The following PRKG1 variants were observed in gnomAD, a reference collection of about 807,000 sequenced individuals.
PRKG1 encodes cGMP-dependent protein kinase 1.
In PRKG1, 35 loss-of-function variants were observed where a neutral mutation model predicts 88.1. The observed-to-expected ratio is 0.40, with a 90% CI of 0.30 to 0.53. PRKG1 has a LOEUF of 0.53. Among genes scored for constraint, PRKG1 ranks in the 20% least tolerant of loss-of-function variants. The pLI is 0.59. For synonymous variants in PRKG1, 303 were observed against 292.5 expected (o/e 1.04, Z -0.37); for missense variants, 540 against 839.8 (o/e 0.64, Z 4.41).
chr10:52,029,093 A>G lies in PRKG1; in HGVS notation c.763-25391A>G, dbSNP rs76647762. Among the ~76,000 whole-genome samples the G allele has an allele frequency of 9.7e-4, 147 of 152,308 alleles. 3 individuals are homozygous for G. In the East Asian group the frequency reaches 0.026, roughly 27 times the overall value. On this transcript the variant is annotated intron_variant, in intron 5 of 17. Coordinates refer to ENST00000373980, the MANE Select transcript of PRKG1 (RefSeq NM_006258.4). ...CCCAAGGTGGTGCTTCTAGTTTTCT[A>G]CTGGGCTGCTAATAGAGCGGGCTGG...
intron 3 of PRKG1, among the ~76,000 whole-genome samples, chr10:51,757,353 C>T (rs751115752): frequency 1.1e-4 from 16 of 152,122 alleles, no homozygotes; most frequent in East Asian, 1.9e-4. Context: ...ATCAGCCTGC[C>T]TTGGCCTCCC....
chr10:51,507,285 AAAACTT>A (rs1278431901), intron 3 of PRKG1, among the ~76,000 whole-genome samples: 7 of 148,990 alleles, frequency 4.7e-5, no homozygotes, highest in African/African-American at 4.9e-5. Flanking sequence ...CATGTACCCT[AAAACTT>A]AAAGTATAAA....
chr10:51,003,886 G>A (rs564865325), intron 1 of PRKG1, among the ~76,000 whole-genome samples: 15 of 152,144 alleles, frequency 9.9e-5, no homozygotes, highest in African/African-American at 3.4e-4. Context: ...TTCCAGATCA[G>A]TCCATATTGG....
chr10:52,039,655 A>ACCACACC (rs932553672), intron 5 of PRKG1, among the ~76,000 whole-genome samples: 1 of 151,954 alleles, frequency 6.6e-6, no homozygotes, highest in African/African-American at 2.4e-5. Context: ...AGGCCTCTAA[A>ACCACACC]CCACACCATA....
chr10:51,360,149 A>G (rs1842449558), intron 2 of PRKG1, among the ~76,000 whole-genome samples: 1 of 151,844 alleles, frequency 6.6e-6, no homozygotes, highest in Admixed American at 6.6e-5. Flanking sequence ...CATAAATTTG[A>G]GCTGTAGGGG....
At chr10:51,840,558 T>C (rs1840247318) in intron 4 of PRKG1, among the ~76,000 whole-genome samples, 1 of 151,032 alleles carries the variant, frequency 6.6e-6, no homozygotes. Context: ...TATTTATTTA[T>C]TTATTGAGAC....
intron 3 of PRKG1, among the ~76,000 whole-genome samples, chr10:51,538,220 A>G (rs1469256281): frequency 6.6e-6 from 1 of 152,074 alleles, no homozygotes; most frequent in Non-Finnish European, 1.5e-5. Flanking sequence ...CAACAATTGA[A>G]GACAAAGAAG....
intron 5 of PRKG1, among the ~76,000 whole-genome samples, chr10:52,038,533 G>A (rs1845674880): frequency 6.6e-6 from 1 of 152,054 alleles, no homozygotes; most frequent in South Asian, 2.1e-4. Flanking sequence ...CTCTAGAAAA[G>A]CGGGACTTGC....
At chr10:51,197,891 T>C (rs1201951473) in intron 2 of PRKG1, among the ~76,000 whole-genome samples, 1 of 151,442 alleles carries the variant, frequency 6.6e-6, no homozygotes, top group Non-Finnish European at 1.5e-5. Flanking sequence ...CACCCTAATA[T>C]ATCACCAAAC....
intron 5 of PRKG1, among the ~76,000 whole-genome samples, chr10:52,002,147 A>T (rs910615852): frequency 6.6e-6 from 1 of 152,152 alleles, no homozygotes; most frequent in South Asian, 2.1e-4. Context: ...TTGAAGGATT[A>T]TAATCCTATT....
At chr10:51,546,230 A>G (rs887377127) in intron 3 of PRKG1, among the ~76,000 whole-genome samples, 2 of 152,086 alleles carry the variant, frequency 1.3e-5, no homozygotes, top group Non-Finnish European at 2.9e-5. Context: ...ATCTGGTATA[A>G]ACATTGTTAT....
intron 5 of PRKG1, among the ~76,000 whole-genome samples, chr10:51,946,010 T>C (rs372687255): frequency 2.0e-4 from 30 of 151,752 alleles, no homozygotes; most frequent in African/African-American, 5.4e-4. Flanking sequence ...CCTGCCTTGC[T>C]AGATTGGGGA....
At chr10:51,271,307 C>A (rs1216022720) in intron 2 of PRKG1, among the ~76,000 whole-genome samples, 4 of 150,130 alleles carry the variant, frequency 2.7e-5, no homozygotes, top group African/African-American at 9.8e-5. Flanking sequence ...CATCTAAATT[C>A]TTTCCTTGCC....
chr10:51,726,862 C>T (rs1387643037), intron 3 of PRKG1, among the ~76,000 whole-genome samples: 3 of 152,054 alleles, frequency 2.0e-5, no homozygotes, highest in South Asian at 2.1e-4. Context: ...CTGCAAGCTC[C>T]GCCTCCCAGG....
intron 2 of PRKG1, among the ~76,000 whole-genome samples, chr10:51,292,738 T>C (rs1227764230): frequency 6.6e-6 from 1 of 152,188 alleles, no homozygotes; most frequent in Non-Finnish European, 1.5e-5. Flanking sequence ...CTTTTCTAGG[T>C]CTGCCTATGG....
rs965745256 is a variant in PRKG1, at chr10:52,281,006, T to C, written c.1545+76T>C. The C allele has an allele frequency of 3.4e-6, 5 of 1,480,870 alleles. No individual in the cohort carries two copies. The African/African-American group carries it at 5.7e-5, about 17-fold the overall frequency. The allele number at this position is 1,480,870 out of a possible 1,614,324, so 91.7% of individuals were successfully genotyped here. ...TTATAAAACTGTGTTCATTTGCTAA[T>C]ATGAAATCTGAGTTTTCCTTTTCAA... On this transcript the variant is annotated intron_variant, in intron 13 of 17. Coordinates refer to ENST00000373980, the MANE Select transcript of PRKG1 (RefSeq NM_006258.4).
At chr10:51,838,006 T>A (rs1204750357) in intron 4 of PRKG1, among the ~76,000 whole-genome samples, 1 of 152,186 alleles carries the variant, frequency 6.6e-6, no homozygotes, top group Non-Finnish European at 1.5e-5. Context: ...GACACTTTAG[T>A]CCTGACTCTT....
chr10:51,835,611 T>C (rs1840112776), intron 4 of PRKG1, among the ~76,000 whole-genome samples: 1 of 152,234 alleles, frequency 6.6e-6, no homozygotes, highest in African/African-American at 2.4e-5. Context: ...TTATCAATTA[T>C]ATCACATTTT....
chr10:51,559,987 A>G (rs1005878239), intron 3 of PRKG1, among the ~76,000 whole-genome samples: 1 of 151,596 alleles, frequency 6.6e-6, no homozygotes, highest in East Asian at 1.9e-4. Flanking sequence ...GTTTTCTTCT[A>G]GTAAATTCTG....
Sources: gnomAD v4.1 joint callset for allele counts (sites outside exome capture counted in the v4.1 genomes callset) on GRCh38, gnomAD v4.1.1 for gene constraint, MANE v1.5 for transcripts, NCBI Gene and HGNC (gene_info 2026-07-23, HGNC 2026-07-21) for gene names.